Variants in OR2L3 observed in about 807,000 individuals in gnomAD.
OR2L3 encodes the protein olfactory receptor 2L3.
For missense variants in OR2L3, 369 were observed against 376.6 expected (o/e 0.98, Z 0.17); for synonymous variants, 131 against 139.1 (o/e 0.94, Z 0.41).
At chr1:248,059,380 T>C (rs905334380) in intron 1 of OR2L3, among the ~76,000 whole-genome samples, 1 of 152,200 alleles carries the variant, frequency 6.6e-6, no homozygotes, top group Non-Finnish European at 1.5e-5. Context: ...ATTTAAGAGA[T>C]TGAATTTTCC....
At chr1:248,058,048 T>A (rs939295448) in intron 1 of OR2L3, among the ~76,000 whole-genome samples, 1 of 152,178 alleles carries the variant, frequency 6.6e-6, no homozygotes, top group Non-Finnish European at 1.5e-5. Flanking sequence ...TTGTTGCAAA[T>A]CTTAGAGTCA....
At chr1:248,047,122 A>G (rs1241723398) in intron 1 of OR2L3, among the ~76,000 whole-genome samples, 1 of 152,180 alleles carries the variant, frequency 6.6e-6, no homozygotes, top group Non-Finnish European at 1.5e-5. Flanking sequence ...TGGTCAATTG[A>G]AGAGACAGGG....
At chr1:248,051,816 T>A (rs1663274051) in intron 1 of OR2L3, among the ~76,000 whole-genome samples, 1 of 152,132 alleles carries the variant, frequency 6.6e-6, no homozygotes, top group Non-Finnish European at 1.5e-5. Flanking sequence ...AGAACTAAAA[T>A]TGTTGGATCA....
intron 1 of OR2L3, among the ~76,000 whole-genome samples, chr1:248,047,642 C>G (rs1229854951): frequency 6.6e-6 from 1 of 152,158 alleles, no homozygotes. Flanking sequence ...TTTCGGGACA[C>G]AAGGTAAACT....
chr1:248,054,618 GAACAATGGTTT>G (rs752076124), intron 1 of OR2L3, among the ~76,000 whole-genome samples: 33 of 151,982 alleles, frequency 2.2e-4, no homozygotes, highest in Non-Finnish European at 2.5e-4. Context: ...TGATTTCCTT[GAACAATGGTTT>G]GTAGTTCTCT....
Position 248,061,143 on chromosome 1 carries a change from T to A in OR2L3, c.462T>A (p.Asn154Lys). The A allele has an allele frequency of 1.9e-6, 3 of 1,613,624 alleles. No homozygotes were observed. The highest frequency in any genetic ancestry group is 2.5e-6 in the Non-Finnish European group (3 of 1,179,746). The change falls in exon 2 of 2, where the codon AAT becomes AAA. Residue 154 changes from asparagine (N) to lysine (K), a missense_variant. By Grantham distance (94) the Asn-to-Lys change is moderately conservative (BLOSUM62 0). Coordinates refer to ENST00000359959, the MANE Select transcript of OR2L3 (RefSeq NM_001004687.2). ...ITGSWIIGSINACAHTVYVLH... is the reference protein window; with the variant it reads ...ITGSWIIGSIKACAHTVYVLH... The stretch of plus-strand genomic sequence containing the variant: ...GGTCTTGGATCATAGGCTCGATCAA[T>A]GCTTGTGCTCACACTGTATATGTAC...
At chr1:248,047,766 G>A (rs896993130) in intron 1 of OR2L3, among the ~76,000 whole-genome samples, 7 of 152,152 alleles carry the variant, frequency 4.6e-5, no homozygotes, top group African/African-American at 1.4e-4. Flanking sequence ...CAGTCATAGC[G>A]GATAAGAAGT....
At chr1:248,054,190 C>G (rs549680473) in intron 1 of OR2L3, among the ~76,000 whole-genome samples, 2 of 152,288 alleles carry the variant, frequency 1.3e-5, no homozygotes, top group South Asian at 4.1e-4. Context: ...AGCCAGTTCT[C>G]CCAGCACCAT....
At chr1:248,058,445 T>A (rs905972508) in intron 1 of OR2L3, among the ~76,000 whole-genome samples, 1 of 152,128 alleles carries the variant, frequency 6.6e-6, no homozygotes, top group African/African-American at 2.4e-5. Context: ...ACACCTTATG[T>A]CTGCACCAAG....
chr1:248,061,504 G>C lies in OR2L3; in HGVS notation c.823G>C (p.Val275Leu). The C allele has an allele frequency of 6.2e-7, 1 of 1,613,896 alleles. No homozygotes were observed. Among genetic ancestry groups the C allele is most frequent in the Non-Finnish European group, 8.5e-7 (1 of 1,179,906 alleles). The change falls in exon 2 of 2, where the codon GTC (valine) becomes CTC (leucine). Residue 275 changes from valine (V) to leucine (L), a missense_variant. By Grantham distance (32) the Val-to-Leu change is conservative. Transcript: ENST00000359959. ...RSPTEDKVLA[V>L]FYTTLTPMLN... ...TCCAACAGAGGACAAGGTTCTGGCTGTCTTCTACACCACCCTCACTCCAAT... is the reference window on the plus strand; with the variant it reads ...TCCAACAGAGGACAAGGTTCTGGCTCTCTTCTACACCACCCTCACTCCAAT...
rs1477600679 is a variant in OR2L3 at position 248,062,752 on chromosome 1, C to A, written c.*1132C>A. ...GAGTGGAATTGGAATGTTCCCAACA[C>A]AAAGAAATAACCATATTTGAGGTGA... On this transcript the variant is annotated 3_prime_UTR_variant, in exon 2 of 2. Coordinates refer to ENST00000359959, the MANE Select transcript of OR2L3 (RefSeq NM_001004687.2). 6.6e-6 allele frequency: 1 copy of A among 152,110 alleles called. No individual in the cohort carries two copies. Among genetic ancestry groups the A allele is most frequent in the East Asian group, 1.9e-4 (1 of 5,202 alleles). The allele number at this position is 152,110 out of a possible 1,614,324, so 9.4% of individuals were successfully genotyped here.
intron 1 of OR2L3, among the ~76,000 whole-genome samples, chr1:248,054,285 T>C (rs780195082): frequency 6.6e-6 from 1 of 152,186 alleles, no homozygotes; most frequent in Non-Finnish European, 1.5e-5. Flanking sequence ...CAGTTTTATT[T>C]CTGAGTTTTC....
chr1:248,058,143 A>G (rs1663500340), intron 1 of OR2L3, among the ~76,000 whole-genome samples: 1 of 152,172 alleles, frequency 6.6e-6, no homozygotes, highest in African/African-American at 2.4e-5. Flanking sequence ...TTAATGTTTT[A>G]TGAAAGAAAT....
intron 1 of OR2L3, among the ~76,000 whole-genome samples, chr1:248,050,042 A>G (rs1472234994): frequency 1.3e-5 from 2 of 152,194 alleles, no homozygotes; most frequent in Admixed American, 6.5e-5. Context: ...ATGAACTCCA[A>G]TAGAATCACG....
In OR2L3 at chr1:248,061,863, G is replaced by C; in HGVS notation, c.*243G>C. The C allele has an allele frequency of 5.9e-6, 2 of 341,392 alleles. No homozygotes were observed. Among genetic ancestry groups the C allele is most frequent in the Non-Finnish European group, 5.3e-6 (1 of 190,218 alleles). The allele number at this position is 341,392 out of a possible 1,614,324, so 21.1% of individuals were successfully genotyped here. On this transcript the variant is annotated 3_prime_UTR_variant, in exon 2 of 2. Transcript: ENST00000359959. ...AAGCACCTACTTTTACTAATATGTT[G>C]TCAATGAGAATTTTTGTTTTTGGTC...
chr1:248,047,372 T>A (rs1029364000), intron 1 of OR2L3, among the ~76,000 whole-genome samples: 1 of 152,166 alleles, frequency 6.6e-6, no homozygotes, highest in African/African-American at 2.4e-5. Flanking sequence ...ATGAAATGCC[T>A]GGAAAGTATT....
rs936436528 is a variant in OR2L3, at chr1:248,062,714, A to G, written c.*1094A>G. ...TTGTAGAATTTATTGTATGTATTAA[A>G]GAATAACTGAAAGAGTGGAATTGGA... On this transcript the variant is annotated 3_prime_UTR_variant, in exon 2 of 2. Transcript: ENST00000359959. 2 of 152,232 alleles carry G rather than the reference A, an allele frequency of 1.3e-5. No homozygotes were observed. The highest frequency in any genetic ancestry group is 4.8e-5 in the African/African-American group (2 of 41,462). 9.4% of individuals were successfully genotyped at this position (152,232 alleles called of 1,614,324 possible).
intron 1 of OR2L3, among the ~76,000 whole-genome samples, chr1:248,051,945 T>C (rs1209411772): frequency 6.6e-6 from 1 of 152,168 alleles, no homozygotes; most frequent in Non-Finnish European, 1.5e-5. Flanking sequence ...ACATTGTAAA[T>C]TGAGGAATAC....
chr1:248,058,843 T>G (rs936050529), intron 1 of OR2L3, among the ~76,000 whole-genome samples: 5 of 152,096 alleles, frequency 3.3e-5, no homozygotes, highest in African/African-American at 1.2e-4. Flanking sequence ...TTTTTTTATC[T>G]TTCCTAAATT....
Sources: gnomAD v4.1 joint callset for allele counts (sites outside exome capture counted in the v4.1 genomes callset) on GRCh38, gnomAD v4.1.1 for gene constraint, MANE v1.5 for transcripts, NCBI Gene and HGNC (gene_info 2026-07-23, HGNC 2026-07-21) for gene names.